INSR: variants seen among roughly 807,000 people sequenced by gnomAD.
INSR encodes insulin receptor.
Under a neutral mutation model 142.6 loss-of-function variants are expected in INSR, and 67 were observed. That is an observed-to-expected ratio of 0.47 (90% CI 0.39 to 0.58). The LOEUF (loss-of-function observed/expected upper bound fraction) is 0.58, where lower values mean the gene tolerates loss of function less well. INSR is among the 20% of genes least tolerant of loss of function. INSR has a pLI of 0.00. For synonymous variants in INSR, 756 were observed against 743.1 expected (o/e 1.02, Z -0.28); for missense variants, 1,248 against 1,833.2 (o/e 0.68, Z 5.83).
At chr19:7,275,847 C>T (rs149936272) in intron 1 of INSR, among the ~76,000 whole-genome samples, 3,217 of 152,034 alleles carry the variant, frequency 0.021, 120 homozygotes, top group African/African-American at 0.073. Context: ...AAGAGCCACC[C>T]GTGGATGGTG....
chr19:7,164,458 C>T (rs12608967), intron 8 of INSR, among the ~76,000 whole-genome samples: 25,264 of 151,538 alleles, frequency 0.17, 2,549 homozygotes, highest in South Asian at 0.21. Context: ...CCAAGGTGGG[C>T]GGATCATTTG....
chr19:7,267,563 C>A lies in INSR; in HGVS notation c.434G>T (p.Arg145Leu). ...ACAGAGCTCATTGTTCTTCTCGATG[C>A]GGACAGAACCCCGGGTGATGTTCAT... Reference protein sequence around the residue: ...NLMNITRGSVRIEKNNELCYL... With the variant: ...NLMNITRGSVLIEKNNELCYL... Residue 145 changes from arginine to leucine, a missense_variant, in exon 2 of 22, where the codon CGC becomes CTC. Arg to Leu is a moderately radical substitution (Grantham distance 102, BLOSUM62 -2). This residue lies in a region of INSR where 1,069 missense variants were observed against 1,654.0 expected (regional missense o/e 0.65). Transcript: ENST00000302850. This position sits in a 1 kb window ranked among gnomAD's most constrained non-coding sequence, Gnocchi z 6.3. The A allele has an allele frequency of 1.2e-6, 2 of 1,614,096 alleles. No homozygotes were observed. The highest frequency in any genetic ancestry group is 1.7e-6 in the Non-Finnish European group (2 of 1,180,006).
chr19:7,224,988 A>C (rs1234905250), intron 2 of INSR, among the ~76,000 whole-genome samples: 2 of 152,152 alleles, frequency 1.3e-5, no homozygotes. Context: ...AGACAGACAG[A>C]CAGAGACAGA....
At position 7,227,723 on chromosome 19, in the gene INSR, T is replaced by G. The variant is rs185899398; in HGVS notation, c.652+39622A>C. On this transcript the variant is annotated intron_variant, in intron 2 of 21. Transcript: ENST00000302850. ...AGATGCCCTTGCAAGTTACAAAACATGTTCTCCATCAAGCCACACAGGGTT... is the reference window on the plus strand; with the variant it reads ...AGATGCCCTTGCAAGTTACAAAACAGGTTCTCCATCAAGCCACACAGGGTT... Among the ~76,000 whole-genome samples the G allele has an allele frequency of 2.0e-5, 3 of 152,224 alleles. No individual in the cohort carries two copies. The South Asian group carries it at 6.2e-4, about 32-fold the overall frequency.
intron 15 of INSR, among the ~76,000 whole-genome samples, chr19:7,127,756 G>GT (rs1972680418): frequency 6.7e-6 from 1 of 149,338 alleles, no homozygotes; most frequent in Non-Finnish European, 1.5e-5. Context: ...GTTTTGTTTT[G>GT]TTTTTGAGAC....
At chr19:7,293,539 G>A (rs1471205631) in intron 1 of INSR, among the ~76,000 whole-genome samples, 1 of 152,102 alleles carries the variant, frequency 6.6e-6, no homozygotes, top group African/African-American at 2.4e-5. Context: ...GCCCGCGGCG[G>A]GGCGGGCACC....
At chr19:7,191,110 G>A (rs575427125) in intron 2 of INSR, among the ~76,000 whole-genome samples, 8 of 151,938 alleles carry the variant, frequency 5.3e-5, no homozygotes, top group Admixed American at 2.6e-4. Context: ...CAGCCTGGCC[G>A]ACATGGTGAA....
intron 2 of INSR, among the ~76,000 whole-genome samples, chr19:7,209,551 G>A (rs1975213965): frequency 1.3e-5 from 2 of 150,368 alleles, no homozygotes; most frequent in Non-Finnish European, 3.0e-5. Context: ...TCGAGTAACT[G>A]GGATTATAGG....
intron 11 of INSR, among the ~76,000 whole-genome samples, chr19:7,147,270 G>C (rs1305568641): frequency 6.6e-6 from 1 of 151,978 alleles, no homozygotes; most frequent in Non-Finnish European, 1.5e-5. Context: ...CACCTCCCAG[G>C]TTCAAGTGAT....
intron 2 of INSR, among the ~76,000 whole-genome samples, chr19:7,246,326 C>T (rs540520006): frequency 4.1e-4 from 62 of 152,264 alleles, no homozygotes; most frequent in African/African-American, 1.1e-3. Flanking sequence ...ACTCTTGGAA[C>T]GCTGAGACTA....
chr19:7,251,439 T>C (rs1976725317), intron 2 of INSR, among the ~76,000 whole-genome samples: 1 of 151,802 alleles, frequency 6.6e-6, no homozygotes, highest in Non-Finnish European at 1.5e-5. Flanking sequence ...TATTTTATTT[T>C]TAGTAGAGAT....
chr19:7,160,455 T>C (rs544295052), intron 9 of INSR, among the ~76,000 whole-genome samples: 117 of 151,764 alleles, frequency 7.7e-4, no homozygotes, highest in African/African-American at 2.7e-3. Context: ...CCTAAAAAAT[T>C]ATTTTAAATA....
intron 2 of INSR, among the ~76,000 whole-genome samples, chr19:7,189,890 C>T (rs1974530369): frequency 6.6e-6 from 1 of 152,102 alleles, no homozygotes; most frequent in South Asian, 2.1e-4. Flanking sequence ...TCTTGAACTC[C>T]TGACCTCAAG....
chr19:7,124,092 G>A (rs1373078893), intron 17 of INSR, among the ~76,000 whole-genome samples: 2 of 151,878 alleles, frequency 1.3e-5, no homozygotes, highest in Non-Finnish European at 2.9e-5. Context: ...CACTGGGCGT[G>A]GTGGCTCACG....
chr19:7,154,695 G>A lies in INSR; in HGVS notation c.2030-1768C>T, dbSNP rs142448650. On this transcript the variant is annotated intron_variant, in intron 9 of 21. Coordinates refer to ENST00000302850, the MANE Select transcript of INSR (RefSeq NM_000208.4). ...TCCCAGCACTTTGGGAGGCCGAGGCGGGCAGATCACCTGAGGTCAGGAGGT... is the reference window on the plus strand; with the variant it reads ...TCCCAGCACTTTGGGAGGCCGAGGCAGGCAGATCACCTGAGGTCAGGAGGT... Among the ~76,000 whole-genome samples the A allele has an allele frequency of 2.3e-3, 355 of 151,308 alleles. 5 individuals carry two copies. The East Asian group carries it at 0.032, about 14-fold the overall frequency.
intron 5 of INSR, among the ~76,000 whole-genome samples, chr19:7,172,080 T>G (rs1974027454): frequency 6.6e-6 from 1 of 151,922 alleles, no homozygotes; most frequent in Admixed American, 6.6e-5. Flanking sequence ...CTTGGCTAAT[T>G]TTTGTACTTT....
chr19:7,293,856 C>G lies in INSR; in HGVS notation c.36G>C (p.Ala12=). 6 of 1,248,870 alleles carry G rather than the reference C, an allele frequency of 4.8e-6. No individual in the cohort carries two copies. Among genetic ancestry groups the G allele is most frequent in the Non-Finnish European group, 5.0e-6 (5 of 1,003,220 alleles). 77.4% of individuals were successfully genotyped at this position (1,248,870 alleles called of 1,614,324 possible). The change falls in exon 1 of 22, where the codon GCG becomes GCC. Residue 12 remains alanine (A), a synonymous_variant. Coordinates refer to ENST00000302850, the MANE Select transcript of INSR (RefSeq NM_000208.4). The part of the protein sequence containing the change: ...ATGGRRGAAA[A]PLLVAVAALL... ...GCGCGGCCACCGCCACCAGCAGCGG[C>G]GCGGCCGCCGCCCCCCGCCGGCCCC...
At chr19:7,202,891 A>T (rs1049336355) in intron 2 of INSR, among the ~76,000 whole-genome samples, 1 of 151,958 alleles carries the variant, frequency 6.6e-6, no homozygotes, top group Non-Finnish European at 1.5e-5. Context: ...TTGTTCAGTT[A>T]AGCTTTTAAA....
intron 1 of INSR, among the ~76,000 whole-genome samples, chr19:7,276,149 C>G (rs770339234): frequency 1.3e-5 from 2 of 151,892 alleles, no homozygotes; most frequent in South Asian, 4.2e-4. Context: ...TCTTCAGTTA[C>G]AGGATTTTTT....
Sources: allele counts gnomAD v4.1 joint callset (sites outside exome capture counted in the v4.1 genomes callset), GRCh38; gene constraint gnomAD v4.1.1; regional missense constraint gnomAD v4.1.1; non-coding constraint Gnocchi (gnomAD v3.1); transcripts MANE v1.5; gene names NCBI Gene and HGNC (gene_info 2026-07-23, HGNC 2026-07-21).